Variants in RIPOR1 observed in about 807,000 individuals in gnomAD.
RIPOR1 encodes the protein RHO family interacting cell polarization regulator 1.
Under a neutral mutation model 116.5 loss-of-function variants are expected in RIPOR1, and 58 were observed. That is an observed-to-expected ratio of 0.50 (90% CI 0.40 to 0.62). The LOEUF (loss-of-function observed/expected upper bound fraction) is 0.62. Among genes scored for constraint, RIPOR1 ranks in the 20% least tolerant of loss-of-function variants. The probability of loss-of-function intolerance (pLI) is 0.00; values close to 1 mark genes in which losing one functional copy is unlikely to be tolerated. For missense variants in RIPOR1, 1,372 were observed against 1,586.2 expected (o/e 0.86, Z 2.29); for synonymous variants, 605 against 650.0 (o/e 0.93, Z 1.05).
rs903966198 is a variant in RIPOR1 at position 67,540,860 on chromosome 16, G to A, written c.801+156G>A. 2.0e-5 allele frequency among the ~76,000 whole-genome samples: 3 copies of A among 152,084 alleles called. No homozygotes were observed. The highest frequency in any genetic ancestry group is 7.2e-5 in the African/African-American group (3 of 41,400). ...CTTCATGATCTCTGTGGCCCTGAGA[G>A]GAACAATCTTTGTGACTCTTAGGAC... is the stretch of plus-strand genomic sequence containing the variant. On this transcript the variant is annotated intron_variant, in intron 10 of 21. Transcript: ENST00000042381. The surrounding 1 kb of genome is among the most constrained non-coding windows in gnomAD (Gnocchi z 4.7).
In RIPOR1 at chr16:67,542,559, C is replaced by T. The variant is rs1567574479; in HGVS notation, c.1773C>T (p.Ile591=). Residue 591 remains isoleucine (I), a synonymous_variant, in exon 13 of 22, where the codon ATC becomes ATT. Coordinates refer to ENST00000042381, the MANE Select transcript of RIPOR1 (RefSeq NM_024519.4). The surrounding 1 kb of genome is among the most constrained non-coding windows in gnomAD (Gnocchi z 4.6). ...CTACTACAGGCCCTACCCTCAATAT[C>T]ATAGGCCCAGTCCAGACTACCACAA... ...TLTTTGPTLN[I]IGPVQTTTSP... 1.2e-6 allele frequency: 2 copies of T among 1,613,932 alleles called. No homozygotes were observed. The highest frequency in any genetic ancestry group is 1.7e-6 in the Non-Finnish European group (2 of 1,179,916).
In RIPOR1 at chr16:67,540,547, C is replaced by T. The variant is rs2050949989; in HGVS notation, c.676-32C>T. 1.9e-6 allele frequency: 3 copies of T among 1,614,092 alleles called. No individual in the cohort carries two copies. On this transcript the variant is annotated intron_variant, in intron 9 of 21. Coordinates refer to ENST00000042381, the MANE Select transcript of RIPOR1 (RefSeq NM_024519.4). This position sits in a 1 kb window ranked among gnomAD's most constrained non-coding sequence, Gnocchi z 4.7. Reference sequence around the variant, plus strand: ...GGGCTGGGTCGGTAGGGTCCCAACACCTAGGCTGCCTCATCCTACCTGTTC... The same window carrying T: ...GGGCTGGGTCGGTAGGGTCCCAACATCTAGGCTGCCTCATCCTACCTGTTC...
intron 1 of RIPOR1, among the ~76,000 whole-genome samples, chr16:67,523,061 G>A (rs1264910571): frequency 6.6e-6 from 1 of 152,132 alleles, no homozygotes. Flanking sequence ...GTCTCCTTTG[G>A]CAGAGTGTAA....
chr16:67,520,432 GAAGAT>G lies in RIPOR1; in HGVS notation c.-24+1824_-24+1828del, dbSNP rs56897788. On this transcript the variant is annotated intron_variant, in intron 1 of 1. Transcript: ENST00000562116. ...AGGAAGGGATGGAAAAGAGAGAAGAGAAGATAAGAGAAGAGAAGAGAAGAGAAGAG... is the reference window on the plus strand; with the variant it reads ...AGGAAGGGATGGAAAAGAGAGAAGAGAAGAGAAGAGAAGAGAAGAGAAGAG... Among the ~76,000 whole-genome samples the G allele has an allele frequency of 5.8e-3, 863 of 149,862 alleles. 8 individuals are homozygous for G. Among genetic ancestry groups the G allele is most frequent in the African/African-American group, 0.016 (626 of 40,036 alleles).
chr16:67,539,090 T>C (rs780227793), intron 4 of RIPOR1, 22 bp downstream of exon 4: 1 of 1,603,126 alleles, frequency 6.2e-7, no homozygotes, highest in Middle Eastern at 1.7e-4. Flanking sequence ...GAGGTACGGA[T>C]GCCCTTTGCC....
chr16:67,527,770 G>C (rs946751303), upstream of RIPOR1, among the ~76,000 whole-genome samples: 1 of 151,250 alleles, frequency 6.6e-6, no homozygotes, highest in African/African-American at 2.4e-5. Context: ...AGCTACTCGG[G>C]AGGCTGAGGC....
upstream of RIPOR1, among the ~76,000 whole-genome samples, chr16:67,527,725 A>C (rs1332772407): frequency 6.6e-6 from 1 of 151,982 alleles, no homozygotes; most frequent in Non-Finnish European, 1.5e-5. Flanking sequence ...AAATACAAAA[A>C]ATTAGCCGGG....
rs2051086823 is a variant in RIPOR1 at position 67,544,121 on chromosome 16, C to T, written c.2601-178C>T. ...GACTGACTCCAGAGATCCCTACTAC[C>T]ACCTGCTGGTCCCAGCCCCTTCCTC... On this transcript the variant is annotated intron_variant, in intron 14 of 21. Coordinates refer to ENST00000042381, the MANE Select transcript of RIPOR1 (RefSeq NM_024519.4). This position sits in a 1 kb window ranked among gnomAD's most constrained non-coding sequence, Gnocchi z 5.1. Among the ~76,000 whole-genome samples, 1 of 152,186 alleles carries T rather than the reference C, an allele frequency of 6.6e-6. No homozygotes were observed. The highest frequency in any genetic ancestry group is 2.4e-5 in the African/African-American group (1 of 41,430).
chr16:67,526,902 G>A (rs1034546183), upstream of RIPOR1, among the ~76,000 whole-genome samples: 3 of 152,316 alleles, frequency 2.0e-5, no homozygotes, highest in African/African-American at 2.4e-5. Context: ...TGGATGCCTG[G>A]GTAGACAGTG....
In RIPOR1 at chr16:67,538,838, C is replaced by G. The variant is rs1282479473; in HGVS notation, c.257+14C>G. 1 of 1,612,218 alleles carries G rather than the reference C, an allele frequency of 6.2e-7. No homozygotes were observed. The highest frequency in any genetic ancestry group is 1.7e-5 in the Admixed American group (1 of 59,870). ...GCGGGGCCTGACGTGAGCAGCTCCT[C>G]TGTTCCCAGCCCTGTCCCGGGATCC... On this transcript the variant is annotated intron_variant, in intron 3 of 21. Transcript: ENST00000042381.
chr16:67,522,191 ATTTT>A (rs34835336), intron 1 of RIPOR1, among the ~76,000 whole-genome samples: 1 of 71,326 alleles, frequency 1.4e-5, no homozygotes, highest in Non-Finnish European at 2.7e-5. Flanking sequence ...CCACGCCCAG[ATTTT>A]TTTTTTTTTT....
In RIPOR1 at chr16:67,546,049, C is replaced by T; in HGVS notation, c.3471+17C>T. 1.2e-6 allele frequency: 2 copies of T among 1,611,236 alleles called. No individual in the cohort carries two copies. Among genetic ancestry groups the T allele is most frequent in the East Asian group, 4.5e-5 (2 of 44,870 alleles). On this transcript the variant is annotated intron_variant, in intron 20 of 21. Coordinates refer to ENST00000042381, the MANE Select transcript of RIPOR1 (RefSeq NM_024519.4). Reference sequence around the variant, plus strand: ...TGCATCAAGGTGACCCCTGCCAACCCTCCCACCCCTCTGTCCGCTTCCGGC... The same window carrying T: ...TGCATCAAGGTGACCCCTGCCAACCTTCCCACCCCTCTGTCCGCTTCCGGC...
chr16:67,535,675 G>A (rs1482792288), intron 1 of RIPOR1, among the ~76,000 whole-genome samples: 1 of 152,182 alleles, frequency 6.6e-6, no homozygotes, highest in Non-Finnish European at 1.5e-5. Context: ...GGCTCAAGGG[G>A]CCAGAGGTCT....
chr16:67,541,818 C>T lies in RIPOR1; in HGVS notation c.1080+36C>T. 1 of 1,613,902 alleles carries T rather than the reference C, an allele frequency of 6.2e-7. No individual in the cohort carries two copies. Among genetic ancestry groups the T allele is most frequent in the Non-Finnish European group, 8.5e-7 (1 of 1,179,856 alleles). ...GCCCAGGTCCAGGCCTCACCATCCC[C>T]CAGAGGCTCCCTGGGGGTGGTTCTG... On this transcript the variant is annotated intron_variant, in intron 12 of 21. Transcript: ENST00000042381. The surrounding 1 kb of genome is among the most constrained non-coding windows in gnomAD (Gnocchi z 4.6).
In RIPOR1 at chr16:67,530,102, G is replaced by A; in HGVS notation, c.-24+1188G>A. Reference sequence around the variant, plus strand: ...AGAGGAGCAAGGTGAGCCGCCCCAGGGGTCTGGGTTTGGGTGCGGGTGAGG... The same window carrying A: ...AGAGGAGCAAGGTGAGCCGCCCCAGAGGTCTGGGTTTGGGTGCGGGTGAGG... On this transcript the variant is annotated intron_variant, in intron 1 of 21. Coordinates refer to ENST00000042381, the MANE Select transcript of RIPOR1 (RefSeq NM_024519.4). This position sits in a 1 kb window ranked among gnomAD's most constrained non-coding sequence, Gnocchi z 4.5. The A allele has an allele frequency of 6.8e-6, 4 of 585,398 alleles. No individual in the cohort carries two copies. The Admixed American group carries it at 1.2e-4, about 17-fold the overall frequency. 36.3% of individuals were successfully genotyped at this position (585,398 alleles called of 1,614,324 possible).
rs2051178798 is a variant in RIPOR1, at chr16:67,546,631, T to C, written c.*168T>C. On this transcript the variant is annotated 3_prime_UTR_variant, in exon 22 of 22. Transcript: ENST00000042381. The stretch of plus-strand genomic sequence containing the variant: ...CCCCTGGGGTTGGAGAGTCAGTGCC[T>C]GCAGTCAAGTGCCTCCCAGCCTCGG... 1 of 607,172 alleles carries C rather than the reference T, an allele frequency of 1.6e-6. No homozygotes were observed. The highest frequency in any genetic ancestry group is 2.9e-5 in the Admixed American group (1 of 34,054). The allele number at this position is 607,172 out of a possible 1,614,324, so 37.6% of individuals were successfully genotyped here.
chr16:67,528,220 G>GT (rs1387085855), upstream of RIPOR1: 1 of 152,486 alleles, frequency 6.6e-6, no homozygotes, highest in African/African-American at 2.4e-5. Flanking sequence ...ACATGGCCCT[G>GT]TACCCGGACC....
chr16:67,536,673 C>T (rs1413226492), intron 1 of RIPOR1, among the ~76,000 whole-genome samples: 2 of 152,014 alleles, frequency 1.3e-5, no homozygotes, highest in Non-Finnish European at 1.5e-5. Context: ...GGCTGTGGGA[C>T]TCTGCATCCA....
chr16:67,520,726 G>T (rs937174166), intron 1 of RIPOR1, among the ~76,000 whole-genome samples: 12 of 152,036 alleles, frequency 7.9e-5, no homozygotes, highest in Non-Finnish European at 1.6e-4. Context: ...CTTAAACCTA[G>T]GAAGCAGAGG....
Sources: allele counts gnomAD v4.1 joint callset (sites outside exome capture counted in the v4.1 genomes callset), GRCh38; gene constraint gnomAD v4.1.1; non-coding constraint Gnocchi (gnomAD v3.1); transcripts MANE v1.5; gene names NCBI Gene and HGNC (gene_info 2026-07-23, HGNC 2026-07-21).